The following ZMIZ2 variants were observed in gnomAD, a reference collection of about 807,000 sequenced individuals.
ZMIZ2 encodes zinc finger MIZ-type containing 2.
In ZMIZ2, 26 loss-of-function variants were observed where a neutral mutation model predicts 93.9. That is an observed-to-expected ratio of 0.28 (90% CI 0.20 to 0.38). The LOEUF is 0.38. Among genes scored for constraint, ZMIZ2 ranks in the 10% least tolerant of loss-of-function variants. The pLI is 1.00. For missense variants in ZMIZ2, 1,023 were observed against 1,235.0 expected (o/e 0.83, Z 2.57); for synonymous variants, 485 against 516.4 (o/e 0.94, Z 0.82).
chr7:44,762,149 G>A (rs1291442619), intron 11 of ZMIZ2, among the ~76,000 whole-genome samples: 3 of 152,276 alleles, frequency 2.0e-5, no homozygotes, highest in Non-Finnish European at 4.4e-5. Flanking sequence ...AGAGCAGGAC[G>A]TGGGGGCTTT....
chr7:44,756,943 A>G lies in ZMIZ2; in HGVS notation c.166-4A>G, dbSNP rs754781482. On this transcript the variant is annotated splice_polypyrimidine_tract_variant and splice_region_variant and intron_variant, in intron 3 of 18. Coordinates refer to ENST00000309315, the MANE Select transcript of ZMIZ2 (RefSeq NM_031449.4). ...TCCCTTTGGTGATTCCTGCTTCCTC[A>G]TAGGTTTTGGGGAACCCCATGGGCC... 26 of 1,608,832 alleles carry G rather than the reference A, an allele frequency of 1.6e-5. No individual in the cohort carries two copies. The highest frequency in any genetic ancestry group is 2.0e-5 in the Non-Finnish European group (24 of 1,178,570).
chr7:44,761,880 A>G lies in ZMIZ2; in HGVS notation c.1571A>G (p.Gln524Arg). ...HVCQPGRNTI[Q>R]ITVTACCCSH... The stretch of plus-strand genomic sequence containing the variant: ...TGCCAGCCAGGCCGCAACACCATCC[A>G]GATCACCGTCACCGCCTGCTGCTGC... The change falls in exon 11 of 19, where the codon CAG becomes CGG. Residue 524 changes from glutamine (Q) to arginine (R), a missense_variant. By Grantham distance (43) the Gln-to-Arg change is conservative (BLOSUM62 1). Around this residue, in one of 3 missense-constraint regions of ZMIZ2, gnomAD observed 656 missense variants for 777.1 expected, o/e 0.84. Transcript: ENST00000309315. The surrounding 1 kb of genome is among the most constrained non-coding windows in gnomAD (Gnocchi z 5.8). The G allele has an allele frequency of 6.2e-7, 1 of 1,613,676 alleles. No individual in the cohort carries two copies. The highest frequency in any genetic ancestry group is 1.1e-5 in the South Asian group (1 of 91,076).
intron 1 of ZMIZ2, among the ~76,000 whole-genome samples, chr7:44,750,148 A>G (rs1243384455): frequency 6.6e-6 from 1 of 152,160 alleles, no homozygotes; most frequent in Non-Finnish European, 1.5e-5. Flanking sequence ...GGCTGATGAC[A>G]TGAAGGTGGT....
At position 44,763,068 on chromosome 7, in the gene ZMIZ2, C is replaced by T. The variant is rs1583649401; in HGVS notation, c.1702+82C>T. The T allele has an allele frequency of 2.0e-6, 3 of 1,476,798 alleles. No homozygotes were observed. Among genetic ancestry groups the T allele is most frequent in the Non-Finnish European group, 1.9e-6 (2 of 1,077,488 alleles). The allele number at this position is 1,476,798 out of a possible 1,614,324, so 91.5% of individuals were successfully genotyped here. A position where few individuals can be genotyped will look rare whatever the true frequency, so the allele number is the denominator to read the frequency against. On this transcript the variant is annotated intron_variant, in intron 12 of 18. Transcript: ENST00000309315. The surrounding 1 kb of genome is among the most constrained non-coding windows in gnomAD (Gnocchi z 5.6). ...AGCCCAACAATCCTCCTTGTGGGCACCTCCTCGTGTCACACCAGGCCTTCT... is the reference window on the plus strand; with the variant it reads ...AGCCCAACAATCCTCCTTGTGGGCATCTCCTCGTGTCACACCAGGCCTTCT...
Position 44,762,889 on chromosome 7 carries a change from C to G in ZMIZ2, c.1605C>G (p.Leu535=), listed in dbSNP as rs754245435. Residue 535 remains leucine, a synonymous_variant, in exon 12 of 19, where the codon CTC becomes CTG. Coordinates refer to ENST00000309315, the MANE Select transcript of ZMIZ2 (RefSeq NM_031449.4). Reference sequence around the variant, plus strand: ...CTCCCGTTGTATTGCAGTCCCACCTCTTCGTGCTGCAGCTAGTGCACCGCC... The same window carrying G: ...CTCCCGTTGTATTGCAGTCCCACCTGTTCGTGCTGCAGCTAGTGCACCGCC... ...ITVTACCCSH[L]FVLQLVHRPS... The G allele has an allele frequency of 6.2e-7, 1 of 1,609,626 alleles. No individual in the cohort carries two copies. Among genetic ancestry groups the G allele is most frequent in the South Asian group, 1.1e-5 (1 of 90,820 alleles).
chr7:44,760,156 A>G lies in ZMIZ2; in HGVS notation c.999A>G (p.Thr333=), dbSNP rs1290006637. The G allele has an allele frequency of 6.2e-7, 1 of 1,613,952 alleles. No homozygotes were observed. Among genetic ancestry groups the G allele is most frequent in the African/African-American group, 1.3e-5 (1 of 75,030 alleles). ...TGCAGTTTTCTCTCCCGCAGCCCACAGAGCAGTTCAACGGGCAGGGCGCCA... is the reference window on the plus strand; with the variant it reads ...TGCAGTTTTCTCTCCCGCAGCCCACGGAGCAGTTCAACGGGCAGGGCGCCA... ...PGPTGLHYKP[T]EQFNGQGASF... Residue 333 remains threonine, a synonymous_variant, in exon 8 of 19, where the codon ACA becomes ACG. Coordinates refer to ENST00000309315, the MANE Select transcript of ZMIZ2 (RefSeq NM_031449.4).
Position 44,763,719 on chromosome 7 carries a change from C to T in ZMIZ2, c.1860+306C>T, listed in dbSNP as rs764333505. ...CTGCCCTACCCCCAAGGGTGACCATCGTTAGCATCTGTCTTTGCAGAAATA... is the reference window on the plus strand; with the variant it reads ...CTGCCCTACCCCCAAGGGTGACCATTGTTAGCATCTGTCTTTGCAGAAATA... On this transcript the variant is annotated intron_variant, in intron 13 of 18. Transcript: ENST00000309315. This position sits in a 1 kb window ranked among gnomAD's most constrained non-coding sequence, Gnocchi z 5.6. The T allele has an allele frequency of 1.7e-5, 6 of 350,912 alleles. No homozygotes were observed. The highest frequency in any genetic ancestry group is 7.7e-4 in the Middle Eastern group (1 of 1,298). The allele number at this position is 350,912 out of a possible 1,614,324, so 21.7% of individuals were successfully genotyped here.
intron 1 of ZMIZ2, among the ~76,000 whole-genome samples, chr7:44,751,389 G>A (rs799451): frequency 0.63 from 96,431 of 152,206 alleles, 31,813 homozygotes; most frequent in East Asian, 0.8. Context: ...CACCAGCTGC[G>A]AGCTGGTTTT....
chr7:44,752,584 C>G (rs1413089573), intron 1 of ZMIZ2, among the ~76,000 whole-genome samples: 1 of 152,168 alleles, frequency 6.6e-6, no homozygotes, highest in Non-Finnish European at 1.5e-5. Context: ...TTTGGTGTGT[C>G]AAGAATGCTA....
chr7:44,754,671 G>C (rs934134836), intron 1 of ZMIZ2, among the ~76,000 whole-genome samples: 3 of 152,198 alleles, frequency 2.0e-5, no homozygotes, highest in African/African-American at 7.2e-5. Context: ...AGATGAATGC[G>C]GGGCCACCCT....
rs760664758 is a variant in ZMIZ2 at position 44,757,474 on chromosome 7, T to G, written c.465T>G (p.Ala155=). 2 of 1,604,132 alleles carry G rather than the reference T, an allele frequency of 1.2e-6. No homozygotes were observed. The highest frequency in any genetic ancestry group is 1.3e-5 in the African/African-American group (1 of 74,968). ...CGGCAGCTGCTGCAGCTGTGGCTGC[T>G]GCGGCAGCCACTGCCACCGCCACAG... ...TQAAAAAAVA[A]AAATATATAT... is the part of the protein sequence containing the mutation. The change falls in exon 5 of 19, where the codon GCT becomes GCG. Residue 155 remains alanine, a synonymous_variant. Coordinates refer to ENST00000309315, the MANE Select transcript of ZMIZ2 (RefSeq NM_031449.4).
rs565432040 is a variant in ZMIZ2, at chr7:44,767,436, C to T, written c.2656-80C>T. ...TCCCCACTGTGCCTGGAGACAGGGC[C>T]GGGATGTGGTGACAGGATGGTCACT... is the stretch of plus-strand genomic sequence containing the variant. On this transcript the variant is annotated intron_variant, in intron 18 of 18. Transcript: ENST00000309315. 2.7e-4 allele frequency: 328 copies of T among 1,209,708 alleles called. 2 individuals are homozygous for T. In the East Asian group the frequency reaches 7.5e-3, roughly 28 times the overall value. The allele number at this position is 1,209,708 out of a possible 1,614,324, so 74.9% of individuals were successfully genotyped here.
chr7:44,762,770 TCC>T, intron 11 of ZMIZ2, 109 bp from the exon 12 acceptor site: 1 of 625,058 alleles, frequency 1.6e-6, no homozygotes. Flanking sequence ...CTCAGCCTTG[TCC>T]CTCCCCCACC....
At position 44,763,439 on chromosome 7, in the gene ZMIZ2, C is replaced by G; in HGVS notation, c.1860+26C>G. ...GTAGGTGGTTACTGCAGAGTCTTGC[C>G]GGAATTTGCTGCTGCTAAAATATCT... On this transcript the variant is annotated intron_variant, in intron 13 of 18. Coordinates refer to ENST00000309315, the MANE Select transcript of ZMIZ2 (RefSeq NM_031449.4). This position sits in a 1 kb window ranked among gnomAD's most constrained non-coding sequence, Gnocchi z 5.6. The G allele has an allele frequency of 6.2e-7, 1 of 1,611,580 alleles. No individual in the cohort carries two copies. The highest frequency in any genetic ancestry group is 8.5e-7 in the Non-Finnish European group (1 of 1,178,158).
rs543841938 is a variant in ZMIZ2, at chr7:44,759,445, G to C, written c.978G>C (p.Thr326=). ...MTQSLSVPGP[T]GLHYKPTEQF... ...AGTCCCTGTCCGTGCCTGGCCCCACGGGACTGCATTATAAGGTAGGGCAGG... is the reference window on the plus strand; with the variant it reads ...AGTCCCTGTCCGTGCCTGGCCCCACCGGACTGCATTATAAGGTAGGGCAGG... The change falls in exon 7 of 19, where the codon ACG becomes ACC. Residue 326 remains threonine (T), a synonymous_variant. Transcript: ENST00000309315. 2 of 1,560,122 alleles carry C rather than the reference G, an allele frequency of 1.3e-6. No homozygotes were observed. The highest frequency in any genetic ancestry group is 1.7e-6 in the Non-Finnish European group (2 of 1,153,364).
At position 44,761,965 on chromosome 7, in the gene ZMIZ2, G is replaced by A; in HGVS notation, c.1596+60G>A. 1 of 1,463,508 alleles carries A rather than the reference G, an allele frequency of 6.8e-7. No individual in the cohort carries two copies. Among genetic ancestry groups the A allele is most frequent in the South Asian group, 1.3e-5 (1 of 78,572 alleles). The allele number at this position is 1,463,508 out of a possible 1,614,324, so 90.7% of individuals were successfully genotyped here. Reference sequence around the variant, plus strand: ...CGTGGGGCGGGGTGTGGTGGGGCCTGGCCCAGCGGTGCCGTGGGGTGGGGC... The same window carrying A: ...CGTGGGGCGGGGTGTGGTGGGGCCTAGCCCAGCGGTGCCGTGGGGTGGGGC... On this transcript the variant is annotated intron_variant, in intron 11 of 18. Coordinates refer to ENST00000309315, the MANE Select transcript of ZMIZ2 (RefSeq NM_031449.4). The surrounding 1 kb of genome is among the most constrained non-coding windows in gnomAD (Gnocchi z 5.8).
At chr7:44,749,113 G>T (rs1583595917) in intron 1 of ZMIZ2, 122 bp downstream of exon 1, 1 of 152,120 alleles carries the variant, frequency 6.6e-6, no homozygotes, top group South Asian at 2.0e-4. Context: ...AGGTGTAGCT[G>T]GTCGCCCGGG....
intron 1 of ZMIZ2, among the ~76,000 whole-genome samples, chr7:44,751,246 A>G (rs1790119038): frequency 6.6e-6 from 1 of 152,194 alleles, no homozygotes; most frequent in Non-Finnish European, 1.5e-5. Flanking sequence ...AGCTCACTGC[A>G]TTTCCTAGAT....
At position 44,762,954 on chromosome 7, in the gene ZMIZ2, G is replaced by A. The variant is rs1209843235; in HGVS notation, c.1670G>A (p.Arg557His). ...GTGCTGCAGGGCCTCCTCAAAAAGC[G>A]CCTCCTGCCTGCTGAGCACTGCATC... ...RSVLQGLLKKRLLPAEHCITK... is the reference protein window; with the variant it reads ...RSVLQGLLKKHLLPAEHCITK... The change falls in exon 12 of 19, where the codon CGC becomes CAC. Residue 557 changes from arginine to histidine, a missense_variant. Physicochemically the swap from Arg to His is conservative, Grantham distance 29 (BLOSUM62 0). Around this residue, in one of 3 missense-constraint regions of ZMIZ2, gnomAD observed 656 missense variants for 777.1 expected, o/e 0.84. Transcript: ENST00000309315. The A allele has an allele frequency of 5.6e-6, 9 of 1,613,482 alleles. No homozygotes were observed. Among genetic ancestry groups the A allele is most frequent in the East Asian group, 2.2e-5 (1 of 44,876 alleles).
Sources: gnomAD v4.1 joint callset for allele counts (sites outside exome capture counted in the v4.1 genomes callset) on GRCh38, gnomAD v4.1.1 for gene constraint, gnomAD v4.1.1 regional missense constraint, Gnocchi (gnomAD v3.1) non-coding constraint, MANE v1.5 for transcripts, NCBI Gene and HGNC (gene_info 2026-07-23, HGNC 2026-07-21) for gene names.